Variants in ZNG1C observed in about 807,000 individuals in gnomAD.
ZNG1C encodes zinc-regulated GTPase metalloprotein activator 1C.
chr9:68,247,422 A>G, the ZNG1C span, among the ~76,000 whole-genome samples: 3 of 151,400 alleles, frequency 2.0e-5, no homozygotes, highest in Admixed American at 2.0e-4. Flanking sequence ...GGCTTAAGAC[A>G]TCTTAAATAA....
At chr9:68,299,094 G>T in the ZNG1C span, 2,318 of 1,609,478 alleles carry the variant, frequency 1.4e-3, 2 homozygotes, top group Non-Finnish European at 1.8e-3. Context: ...GTCCTCATTG[G>T]TAAGTCTCAA....
At chr9:68,297,227 G>A in the ZNG1C span, among the ~76,000 whole-genome samples, 1 of 149,438 alleles carries the variant, frequency 6.7e-6, no homozygotes, top group East Asian at 1.9e-4. Flanking sequence ...AAAGTACCTG[G>A]CCCTGTGTAG....
At chr9:68,265,235 G>T in the ZNG1C span, among the ~76,000 whole-genome samples, 4 of 140,990 alleles carry the variant, frequency 2.8e-5, no homozygotes, top group Admixed American at 7.3e-5. Flanking sequence ...TGAAAATATG[G>T]TTATTATAGA....
At chr9:68,288,623 C>T in the ZNG1C span, among the ~76,000 whole-genome samples, 1 of 134,926 alleles carries the variant, frequency 7.4e-6, no homozygotes, top group Non-Finnish European at 1.6e-5. Context: ...CAGGCATGTA[C>T]CACCATGCCT....
At chr9:68,286,968 A>G in the ZNG1C span, among the ~76,000 whole-genome samples, 1 of 150,884 alleles carries the variant, frequency 6.6e-6, no homozygotes. Context: ...TATCTGTCAT[A>G]TAGTTGAACA....
chr9:68,287,458 CCTTG>C, the ZNG1C span, among the ~76,000 whole-genome samples: 1 of 152,258 alleles, frequency 6.6e-6, no homozygotes, highest in Non-Finnish European at 1.5e-5. Context: ...AAAGTAAACC[CCTTG>C]TATGCATCAC....
At chr9:68,273,284 C>A in the ZNG1C span, 1 of 7,586 alleles carries the variant, frequency 1.3e-4, no homozygotes, top group East Asian at 4.5e-4. Flanking sequence ...TGTGACCTGT[C>A]AATATAAATA....
the ZNG1C span, chr9:68,299,268 T>G: frequency 1.5e-5 from 23 of 1,490,184 alleles, no homozygotes; most frequent in South Asian, 1.4e-4. Flanking sequence ...GTTAGGACTT[T>G]TGTTCTTCTT....
At chr9:68,297,215 C>T in the ZNG1C span, among the ~76,000 whole-genome samples, 1 of 149,744 alleles carries the variant, frequency 6.7e-6, no homozygotes, top group Non-Finnish European at 1.5e-5. Context: ...GTGACTCAGG[C>T]AAAAGTACCT....
At chr9:68,263,217 CT>C in the ZNG1C span, among the ~76,000 whole-genome samples, 2 of 127,756 alleles carry the variant, frequency 1.6e-5, no homozygotes, top group African/African-American at 6.7e-5. Flanking sequence ...TGGTTTGGCT[CT>C]GATATATGGT....
At chr9:68,259,948 C>T in the ZNG1C span, among the ~76,000 whole-genome samples, 1 of 146,900 alleles carries the variant, frequency 6.8e-6, no homozygotes, top group South Asian at 2.2e-4. Context: ...ATAGAGTGCC[C>T]TAATTTGAAA....
the ZNG1C span, chr9:68,299,480 G>A: frequency 1.8e-6 from 1 of 564,262 alleles, no homozygotes; most frequent in Non-Finnish European, 3.1e-6. Flanking sequence ...TTTGTTTGCA[G>A]GCAGAAATTT....
At chr9:68,257,531 G>T in the ZNG1C span, among the ~76,000 whole-genome samples, 3 of 89,268 alleles carry the variant, frequency 3.4e-5, no homozygotes, top group African/African-American at 4.8e-5. Context: ...TTCCACTAAG[G>T]TTTTCTTTAA....
At chr9:68,294,175 G>C in the ZNG1C span, among the ~76,000 whole-genome samples, 3 of 143,992 alleles carry the variant, frequency 2.1e-5, no homozygotes, top group African/African-American at 5.2e-5. Flanking sequence ...ATACAGCAAA[G>C]GTGGTGCTAA....
chr9:68,264,841 AT>A, the ZNG1C span, among the ~76,000 whole-genome samples: 1 of 82,632 alleles, frequency 1.2e-5, no homozygotes, highest in African/African-American at 4.5e-5. Flanking sequence ...ATATATATAT[AT>A]ATATATATAT....
the ZNG1C span, among the ~76,000 whole-genome samples, chr9:68,280,588 C>CCCGG: frequency 1.2e-3 from 67 of 55,778 alleles, no homozygotes; most frequent in African/African-American, 4.7e-3. Flanking sequence ...TGTTGGAGTA[C>CCCGG]CCGGCCGTGT....
chr9:68,270,920 A>T, the ZNG1C span: 14 of 149,394 alleles, frequency 9.4e-5, no homozygotes, highest in African/African-American at 3.4e-4. Context: ...ACCCGGAGAT[A>T]TGGTTAACAA....
At chr9:68,279,663 C>T in the ZNG1C span, among the ~76,000 whole-genome samples, 6 of 99,880 alleles carry the variant, frequency 6.0e-5, no homozygotes, top group African/African-American at 1.9e-4. Context: ...TGTAGAGTTT[C>T]TGCCAAGAGA....
chr9:68,284,975 G>A, the ZNG1C span, among the ~76,000 whole-genome samples: 128 of 151,230 alleles, frequency 8.5e-4, no homozygotes, highest in African/African-American at 3.0e-3. Context: ...GAACATATGG[G>A]AAAAGCATAT....
Sources: gnomAD v4.1 joint callset for allele counts (sites outside exome capture counted in the v4.1 genomes callset) on GRCh38, gnomAD v4.1.1 for gene constraint, MANE v1.5 for transcripts, NCBI Gene and HGNC (gene_info 2026-07-23, HGNC 2026-07-21) for gene names.